Variants in KATNA1 observed in about 807,000 individuals in gnomAD.
The protein encoded by KATNA1 is katanin catalytic subunit A1, also known as katanin p60 ATPase-containing subunit A1.
In KATNA1, 42 loss-of-function variants were observed where a neutral mutation model predicts 62.6. The ratio of observed to expected loss-of-function variants is 0.67; its 90% CI spans 0.52 to 0.87. The LOEUF (loss-of-function observed/expected upper bound fraction) is 0.87, where lower values mean the gene tolerates loss of function less well. Ranked by LOEUF, KATNA1 falls within the 40% of genes least tolerant of loss-of-function variation. The pLI is 0.00. For synonymous variants in KATNA1, 186 were observed against 201.9 expected (o/e 0.92, Z 0.67); for missense variants, 498 against 612.5 (o/e 0.81, Z 1.97).
At chr6:149,606,579 A>G (rs1351986169) in intron 4 of KATNA1, among the ~76,000 whole-genome samples, 8 of 152,008 alleles carry the variant, frequency 5.3e-5, no homozygotes, top group Non-Finnish European at 1.0e-4. Flanking sequence ...TGAGCCTCCA[A>G]TATTAGCATA....
At chr6:149,604,526 G>A in intron 5 of KATNA1, 135 bp downstream of exon 5, 1 of 905,130 alleles carries the variant, frequency 1.1e-6, no homozygotes. Flanking sequence ...CTGAATGCAG[G>A]GAAGTCATGC....
chr6:149,613,206 A>T (rs865842446), intron 4 of KATNA1, among the ~76,000 whole-genome samples: 129 of 142,846 alleles, frequency 9.0e-4, no homozygotes, highest in African/African-American at 3.1e-3. Context: ...AAAAAAAAAA[A>T]AAAAAAAAAA....
intron 1 of KATNA1, among the ~76,000 whole-genome samples, chr6:149,647,115 C>A (rs1012858383): frequency 3.3e-5 from 5 of 151,168 alleles, no homozygotes; most frequent in Non-Finnish European, 7.4e-5. Context: ...TTTTCATAGT[C>A]TAGGAATGTT....
At chr6:149,621,266 G>A (rs1268417833) in intron 4 of KATNA1, among the ~76,000 whole-genome samples, 1 of 151,538 alleles carries the variant, frequency 6.6e-6, no homozygotes, top group Non-Finnish European at 1.5e-5. Flanking sequence ...TGGGACTACA[G>A]GCGCCTGCCA....
chr6:149,597,009 T>C, intron 10 of KATNA1, 54 bp downstream of exon 10: 1 of 1,589,934 alleles, frequency 6.3e-7, no homozygotes, highest in Non-Finnish European at 8.6e-7. Flanking sequence ...ACCAAAAAAC[T>C]TCATACTAGA....
intron 3 of KATNA1, among the ~76,000 whole-genome samples, chr6:149,627,842 G>C (rs79296604): frequency 0.027 from 4,168 of 151,994 alleles, 285 homozygotes; most frequent in African/African-American, 0.094. Context: ...CAGGTGAAAG[G>C]AGTGAAGCAT....
chr6:149,596,028 C>T (rs1369742240), intron 10 of KATNA1, among the ~76,000 whole-genome samples: 3 of 152,158 alleles, frequency 2.0e-5, no homozygotes, highest in Non-Finnish European at 2.9e-5. Context: ...ACAGTCATTT[C>T]GTATTTTATA....
intron 8 of KATNA1, chr6:149,597,926 G>A: frequency 2.1e-6 from 1 of 466,684 alleles, no homozygotes. Context: ...TAAACTCTAA[G>A]GCCAATTTAT....
At chr6:149,647,297 G>A (rs770691998) in intron 1 of KATNA1, among the ~76,000 whole-genome samples, 5 of 151,820 alleles carry the variant, frequency 3.3e-5, no homozygotes, top group Non-Finnish European at 2.9e-5. Flanking sequence ...GCCTAGGCGG[G>A]CGGATCACAA....
In KATNA1 at chr6:149,626,486, G is replaced by A. The variant is rs562525050; in HGVS notation, c.321-3203C>T. On this transcript the variant is annotated intron_variant, in intron 3 of 10. Transcript: ENST00000367411. ...ATTTTTTGTATTTTTAGTAGAGACGGGGTTTCACCGTGGTCTCGATCTCCT... is the reference window on the plus strand; with the variant it reads ...ATTTTTTGTATTTTTAGTAGAGACGAGGTTTCACCGTGGTCTCGATCTCCT... Among the ~76,000 whole-genome samples the A allele has an allele frequency of 5.3e-3, 787 of 147,138 alleles. 3 individuals are homozygous for A. The highest frequency in any genetic ancestry group is 8.1e-3 in the Non-Finnish European group (539 of 66,784).
intron 5 of KATNA1, among the ~76,000 whole-genome samples, chr6:149,603,826 G>T (rs985181018): frequency 1.3e-5 from 2 of 152,100 alleles, no homozygotes. Context: ...TAGATGCCAA[G>T]GTTAAAGAGT....
chr6:149,629,526 A>AC (rs1253094697), intron 3 of KATNA1, among the ~76,000 whole-genome samples: 1 of 152,186 alleles, frequency 6.6e-6, no homozygotes, highest in Non-Finnish European at 1.5e-5. Context: ...GCCCAAGCAG[A>AC]CTAATACAAG....
intron 3 of KATNA1, among the ~76,000 whole-genome samples, chr6:149,627,917 G>A (rs1779680416): frequency 6.6e-6 from 1 of 151,896 alleles, no homozygotes; most frequent in Non-Finnish European, 1.5e-5. Flanking sequence ...AAGAACTTAG[G>A]TTCCAGAGGC....
At chr6:149,632,038 G>C (rs1296564488) in intron 3 of KATNA1, among the ~76,000 whole-genome samples, 1 of 152,166 alleles carries the variant, frequency 6.6e-6, no homozygotes, top group Non-Finnish European at 1.5e-5. Context: ...ATGAAAAGAA[G>C]TATTCTGTGA....
At chr6:149,623,772 T>C (rs9322198) in intron 3 of KATNA1, among the ~76,000 whole-genome samples, 69,764 of 151,888 alleles carry the variant, frequency 0.46, 17,288 homozygotes, top group East Asian at 0.81. Context: ...TTAAATCTGA[T>C]ATATCTGTTG....
chr6:149,617,979 T>TAATA (rs1326807553), intron 4 of KATNA1, among the ~76,000 whole-genome samples: 3 of 121,482 alleles, frequency 2.5e-5, no homozygotes, highest in East Asian at 2.8e-4. Context: ...ATAAAATAAA[T>TAATA]AAATAAATAA....
At position 149,633,143 on chromosome 6, in the gene KATNA1, G is replaced by A. The variant is rs990428369; in HGVS notation, c.163-227C>T. Among the ~76,000 whole-genome samples the A allele has an allele frequency of 5.1e-5, 6 of 118,318 alleles. No homozygotes were observed. The South Asian group carries it at 1.3e-3, about 26-fold the overall frequency. The allele number at this position is 118,318 out of a possible 152,430, so 77.6% of individuals were successfully genotyped here. A position where few individuals can be genotyped will look rare whatever the true frequency, so the allele number is the denominator to read the frequency against. ...TTTGGAGATGGAGTCTCACTCTGTC[G>A]CCCAGGCTGGAGTGCAGTGGCGTGA... On this transcript the variant is annotated intron_variant, in intron 2 of 10. Coordinates refer to ENST00000367411, the MANE Select transcript of KATNA1 (RefSeq NM_007044.4).
chr6:149,646,075 T>C (rs549367718), intron 1 of KATNA1, among the ~76,000 whole-genome samples: 5 of 152,278 alleles, frequency 3.3e-5, no homozygotes, highest in East Asian at 3.9e-4. Flanking sequence ...GCTCCACTTA[T>C]TTGCAGTTTT....
intron 6 of KATNA1, among the ~76,000 whole-genome samples, chr6:149,602,191 C>T (rs568421989): frequency 6.6e-6 from 1 of 152,134 alleles, no homozygotes; most frequent in Non-Finnish European, 1.5e-5. Context: ...ATGGTGAAGC[C>T]CCGTTTCTAC....
Sources: allele counts gnomAD v4.1 joint callset (sites outside exome capture counted in the v4.1 genomes callset), GRCh38; gene constraint gnomAD v4.1.1; transcripts MANE v1.5; gene names NCBI Gene and HGNC (gene_info 2026-07-23, HGNC 2026-07-21).